Variants in HMCN1 observed in about 807,000 individuals in gnomAD.
HMCN1 encodes the protein hemicentin-1.
A neutral mutation model predicts 625.9 loss-of-function variants in HMCN1; 321 were observed. The observed-to-expected ratio is 0.51, with a 90% CI of 0.47 to 0.56. The LOEUF is 0.56. HMCN1 is among the 20% of genes least tolerant of loss of function. HMCN1 has a pLI of 0.00. For missense variants in HMCN1, 6,588 were observed against 6,887.3 expected (o/e 0.96, Z 1.54); for synonymous variants, 2,425 against 2,417.6 (o/e 1.00, Z -0.09).
At chr1:186,091,750 T>A (rs1008185443) in intron 64 of HMCN1, among the ~76,000 whole-genome samples, 15 of 152,054 alleles carry the variant, frequency 9.9e-5, no homozygotes, top group Non-Finnish European at 8.8e-5. Flanking sequence ...TAAGTGGGCA[T>A]TAACTACATG....
intron 10 of HMCN1, among the ~76,000 whole-genome samples, chr1:185,929,669 T>C (rs971887893): frequency 6.6e-6 from 1 of 152,174 alleles, no homozygotes; most frequent in African/African-American, 2.4e-5. Flanking sequence ...TAATTATAGG[T>C]ATATCATATA....
At chr1:185,896,418 C>CAT (rs57985221) in intron 4 of HMCN1, among the ~76,000 whole-genome samples, 43,041 of 151,488 alleles carry the variant, frequency 0.28, 6,780 homozygotes, top group African/African-American at 0.42. Context: ...CAAAAACTCA[C>CAT]GTGTACACCC....
chr1:185,934,608 A>G (rs1405209036), intron 11 of HMCN1, among the ~76,000 whole-genome samples: 1 of 152,218 alleles, frequency 6.6e-6, no homozygotes, highest in African/African-American at 2.4e-5. Flanking sequence ...TGTAATGAAC[A>G]AATTACTGTT....
At position 186,174,524 on chromosome 1, in the gene HMCN1, A is replaced by T; in HGVS notation, c.15825A>T (p.Glu5275Asp). 6.2e-7 allele frequency: 1 copy of T among 1,613,920 alleles called. No homozygotes were observed. The change falls in exon 103 of 107, where the codon GAA becomes GAT. Residue 5275 changes from glutamate to aspartate, a missense_variant. Physicochemically the swap from Glu to Asp is conservative, Grantham distance 45. This residue lies in a region of HMCN1 where 1,954 missense variants were observed against 2,013.1 expected (regional missense o/e 0.97). Coordinates refer to ENST00000271588, the MANE Select transcript of HMCN1 (RefSeq NM_031935.3). Reference protein sequence around the residue: ...AENGTCIDIDECKDGTHQCRY... With the variant: ...AENGTCIDIDDCKDGTHQCRY... The stretch of plus-strand genomic sequence containing the variant: ...CCTCCATGTCTGTAGATATTGATGA[A>T]TGTAAAGATGGGACCCATCAGTGCA...
intron 20 of HMCN1, among the ~76,000 whole-genome samples, chr1:185,988,001 T>C (rs899002771): frequency 2.0e-5 from 3 of 152,182 alleles, no homozygotes; most frequent in African/African-American, 4.8e-5. Context: ...TGCTATGAGA[T>C]GTAAAGTGCT....
intron 97 of HMCN1, among the ~76,000 whole-genome samples, chr1:186,162,297 G>A (rs1197105740): frequency 1.3e-5 from 2 of 151,984 alleles, no homozygotes; most frequent in South Asian, 2.1e-4. Context: ...CTCTGTATTG[G>A]TTATTCTAGT....
chr1:185,745,675 G>T (rs1330532683), intron 1 of HMCN1, among the ~76,000 whole-genome samples: 2 of 152,174 alleles, frequency 1.3e-5, no homozygotes, highest in African/African-American at 4.8e-5. Flanking sequence ...GCCAGTCCTT[G>T]GTCAATGATG....
At position 185,911,713 on chromosome 1, in the gene HMCN1, T is replaced by C; in HGVS notation, c.833T>C (p.Leu278Ser). The C allele has an allele frequency of 6.2e-7, 1 of 1,613,522 alleles. No individual in the cohort carries two copies. The highest frequency in any genetic ancestry group is 8.5e-7 in the Non-Finnish European group (1 of 1,179,528). ...IKKGFGLHEL[L>S]NIHNSAKVVN... ...AAGGGATTTGGCCTGCATGAGCTAT[T>C]AAATATCCATAACTCTGCCAAAGTA... is the stretch of plus-strand genomic sequence containing the variant. Residue 278 changes from leucine to serine, a missense_variant, in exon 6 of 107, where the codon TTA becomes TCA. Leu to Ser is a moderately radical substitution (Grantham distance 145). This residue lies in a region of HMCN1 where 4,628 missense variants were observed against 4,853.1 expected (regional missense o/e 0.95). Transcript: ENST00000271588.
At position 186,088,751 on chromosome 1, in the gene HMCN1, T is replaced by C. The variant is rs775104760; in HGVS notation, c.9723T>C (p.Ile3241=). The C allele has an allele frequency of 6.2e-7, 1 of 1,606,210 alleles. No homozygotes were observed. The highest frequency in any genetic ancestry group is 1.1e-5 in the South Asian group (1 of 90,342). Residue 3241 remains isoleucine (I), a synonymous_variant, in exon 63 of 107, where the codon ATT becomes ATC. Transcript: ENST00000271588. The stretch of plus-strand genomic sequence containing the variant: ...CCCAGAAATATTACTTTCTTTCAAT[T>C]CAAGGTATGTATTGTCCACTATGAT... ...GKAQKYYFLS[I]QVPPSVAGAE...
chr1:185,888,833 C>T (rs1664851006), intron 4 of HMCN1, among the ~76,000 whole-genome samples: 1 of 145,874 alleles, frequency 6.9e-6, no homozygotes, highest in Admixed American at 6.6e-5. Flanking sequence ...TAGTTTTTTC[C>T]AATTCTGTGA....
At chr1:186,032,660 CCT>C (rs1655534055) in intron 36 of HMCN1, among the ~76,000 whole-genome samples, 3 of 152,002 alleles carry the variant, frequency 2.0e-5, no homozygotes, top group Non-Finnish European at 4.4e-5. Context: ...GTCAATTAAA[CCT>C]CTTTCCTTTA....
chr1:186,062,151 T>C (rs934714200), intron 47 of HMCN1, among the ~76,000 whole-genome samples, 187 bp downstream of exon 47: 1 of 152,198 alleles, frequency 6.6e-6, no homozygotes, highest in African/African-American at 2.4e-5. Flanking sequence ...GGAATTAAAA[T>C]GCCTGTTTTA....
chr1:186,138,082 T>G, intron 89 of HMCN1, 110 bp downstream of exon 89: 1 of 1,132,560 alleles, frequency 8.8e-7, no homozygotes, highest in Non-Finnish European at 1.3e-6. Flanking sequence ...TTATGGCCTC[T>G]ACCCTTGAGA....
At chr1:185,902,379 C>CTCTATCTATCTATCTATCTA (rs557542346) in intron 4 of HMCN1, among the ~76,000 whole-genome samples, 10 of 149,162 alleles carry the variant, frequency 6.7e-5, no homozygotes, top group African/African-American at 2.3e-4. Flanking sequence ...TGTGCTATGT[C>CTCTATCTATCTATCTATCTA]TCTATCTATC....
At chr1:185,822,268 G>C (rs957910292) in intron 1 of HMCN1, among the ~76,000 whole-genome samples, 2 of 152,168 alleles carry the variant, frequency 1.3e-5, no homozygotes, top group African/African-American at 4.8e-5. Context: ...ACTCTGGTGG[G>C]GGATGTTGAT....
At chr1:185,765,406 A>G (rs1368514637) in intron 1 of HMCN1, among the ~76,000 whole-genome samples, 6 of 152,210 alleles carry the variant, frequency 3.9e-5, no homozygotes, top group Non-Finnish European at 5.9e-5. Flanking sequence ...ATACTGAAAT[A>G]TGATTTATTT....
chr1:185,925,071 A>G lies in HMCN1; in HGVS notation c.1310A>G (p.Glu437Gly). ...VPDAPKVTMPEKTPGYYLQPG... is the reference protein window; with the variant it reads ...VPDAPKVTMPGKTPGYYLQPG... ...GATGCTCCCAAAGTTACGATGCCTG[A>G]GAAAACCCCAGGATACTATCTGCAG... is the stretch of plus-strand genomic sequence containing the variant. The change falls in exon 9 of 107, where the codon GAG becomes GGG. Residue 437 changes from glutamate (E) to glycine (G), a missense_variant. Coordinates refer to ENST00000271588, the MANE Select transcript of HMCN1 (RefSeq NM_031935.3). The G allele has an allele frequency of 3.1e-6, 5 of 1,613,512 alleles. No homozygotes were observed. Among genetic ancestry groups the G allele is most frequent in the Non-Finnish European group, 3.4e-6 (4 of 1,179,650 alleles).
At position 186,171,317 on chromosome 1, in the gene HMCN1, A is replaced by G. The variant is rs1652217939; in HGVS notation, c.15575-20A>G. 17 of 1,551,746 alleles carry G rather than the reference A, an allele frequency of 1.1e-5. No homozygotes were observed. The East Asian group carries it at 3.8e-4, about 35-fold the overall frequency. ...AGGTTTCCTAATAGCATATAATGAA[A>G]GTTTTGTTTTATTTAACAGATATTA... On this transcript the variant is annotated intron_variant, in intron 100 of 106. Coordinates refer to ENST00000271588, the MANE Select transcript of HMCN1 (RefSeq NM_031935.3).
rs1290551074 is a variant in HMCN1, at chr1:186,088,614, G to T, written c.9586G>T (p.Asp3196Tyr). 2 of 1,611,514 alleles carry T rather than the reference G, an allele frequency of 1.2e-6. No homozygotes were observed. Among genetic ancestry groups the T allele is most frequent in the Non-Finnish European group, 1.7e-6 (2 of 1,178,592 alleles). ...LKNHKRIENSDSLEVRILSGG... is the reference protein window; with the variant it reads ...LKNHKRIENSYSLEVRILSGG... Reference sequence around the variant, plus strand: ...TTTGTTTCTACCTCTAGAAAATTCTGACTCACTGGAAGTTCGTATTTTGTC... The same window carrying T: ...TTTGTTTCTACCTCTAGAAAATTCTTACTCACTGGAAGTTCGTATTTTGTC... Residue 3196 changes from aspartate (D) to tyrosine (Y), a missense_variant, in exon 63 of 107, where the codon GAC becomes TAC. Around this residue, in one of 3 missense-constraint regions of HMCN1, gnomAD observed 4,628 missense variants for 4,853.1 expected, o/e 0.95. Coordinates refer to ENST00000271588, the MANE Select transcript of HMCN1 (RefSeq NM_031935.3).
Sources: gnomAD v4.1 joint callset for allele counts (sites outside exome capture counted in the v4.1 genomes callset) on GRCh38, gnomAD v4.1.1 for gene constraint, gnomAD v4.1.1 regional missense constraint, MANE v1.5 for transcripts, NCBI Gene and HGNC (gene_info 2026-07-23, HGNC 2026-07-21) for gene names.